BHLHE40: variants seen among roughly 807,000 people sequenced by gnomAD.
The protein encoded by BHLHE40 is basic helix-loop-helix family member e40.
A neutral mutation model predicts 35.7 loss-of-function variants in BHLHE40; 3 were observed. That is an observed-to-expected ratio of 0.08 (90% confidence interval 0.04 to 0.22). The LOEUF (loss-of-function observed/expected upper bound fraction) is 0.22. Ranked by LOEUF, BHLHE40 falls within the 10% of genes least tolerant of loss-of-function variation. BHLHE40 has a pLI of 1.00. For synonymous variants in BHLHE40, 236 were observed against 213.0 expected, an observed-to-expected ratio of 1.11 and a Z score of -0.94; for missense variants, 486 against 524.0, an observed-to-expected ratio of 0.93 and a Z score of 0.71.
Position 4,979,757 on chromosome 3 carries a change from C to T in BHLHE40, c.39C>T (p.Cys13=), listed in dbSNP as rs2053173631. 1.3e-6 allele frequency: 2 copies of T among 1,584,394 alleles called. No individual in the cohort carries two copies. The highest frequency in any genetic ancestry group is 1.3e-5 in the African/African-American group (1 of 74,094). The part of the protein sequence containing the change: ...RIPSAQPPPA[C]LPKAPGLEHG... ...CCAGCGCGCAACCACCCCCCGCCTGCCTGCCCAAAGCACCGGGACTGGAGC... is the reference window on the plus strand; with the variant it reads ...CCAGCGCGCAACCACCCCCCGCCTGTCTGCCCAAAGCACCGGGACTGGAGC... Residue 13 remains cysteine (C), a synonymous_variant, in exon 1 of 5, where the codon TGC becomes TGT. Coordinates refer to ENST00000256495, the MANE Select transcript of BHLHE40 (RefSeq NM_003670.3).
intron 3 of BHLHE40, among the ~76,000 whole-genome samples, chr3:4,980,992 C>T (rs1244457727): frequency 2.0e-5 from 3 of 151,594 alleles, no homozygotes; most frequent in African/African-American, 4.8e-5. Flanking sequence ...AATAGAGGTC[C>T]CTCTCTGAGT....
At position 4,982,933 on chromosome 3, in the gene BHLHE40, C is replaced by G. The variant is rs368425219; in HGVS notation, c.480C>G (p.His160Gln). The G allele has an allele frequency of 3.1e-6, 5 of 1,614,106 alleles. No individual in the cohort carries two copies. In the Admixed American group the frequency reaches 5.0e-5, roughly 16 times the overall value. ...AGGTGCTTCAGTATCTGGCCAAGCA[C>G]GAGAACACTCGGGACCTGAAGTCTT... Reference protein sequence around the residue: ...AREVLQYLAKHENTRDLKSSQ... With the variant: ...AREVLQYLAKQENTRDLKSSQ... The change falls in exon 5 of 5, where the codon CAC (histidine) becomes CAG (glutamine). Residue 160 changes from histidine to glutamine, a missense_variant. Physicochemically the swap from His to Gln is conservative, Grantham distance 24. Around this residue, in one of 5 missense-constraint regions of BHLHE40, gnomAD observed 176 missense variants for 180.5 expected, o/e 0.98. Transcript: ENST00000256495.
At position 4,983,291 on chromosome 3, in the gene BHLHE40, C is replaced by A. The variant is rs1392007995; in HGVS notation, c.838C>A (p.Gln280Lys). The change falls in exon 5 of 5, where the codon CAA (glutamine) becomes AAA (lysine). Residue 280 changes from glutamine (Q) to lysine (K), a missense_variant. Gln to Lys is a moderately conservative substitution (Grantham distance 53, BLOSUM62 1). Around this residue, in one of 5 missense-constraint regions of BHLHE40, gnomAD observed 206 missense variants for 208.9 expected, o/e 0.99. Coordinates refer to ENST00000256495, the MANE Select transcript of BHLHE40 (RefSeq NM_003670.3). This position sits in a 1 kb window ranked among gnomAD's most constrained non-coding sequence, Gnocchi z 5.0. ...TMGERIGAIK[Q>K]ESEEPPTKKN... ...GGGAGAAAGGATCGGCGCAATTAAG[C>A]AAGAGTCCGAAGAACCCCCCACAAA... 2 of 1,614,180 alleles carry A rather than the reference C, an allele frequency of 1.2e-6. No homozygotes were observed. Among genetic ancestry groups the A allele is most frequent in the Non-Finnish European group, 1.7e-6 (2 of 1,180,032 alleles).
At position 4,983,870 on chromosome 3, in the gene BHLHE40, G is replaced by T; in HGVS notation, c.*178G>T. 1 of 823,348 alleles carries T rather than the reference G, an allele frequency of 1.2e-6. No individual in the cohort carries two copies. Among genetic ancestry groups the T allele is most frequent in the Non-Finnish European group, 1.8e-6 (1 of 543,792 alleles). 51.0% of individuals were successfully genotyped at this position (823,348 alleles called of 1,614,324 possible). A position where few individuals can be genotyped will look rare whatever the true frequency, so the allele number is the denominator to read the frequency against. On this transcript the variant is annotated 3_prime_UTR_variant, in exon 5 of 5. Coordinates refer to ENST00000256495, the MANE Select transcript of BHLHE40 (RefSeq NM_003670.3). The surrounding 1 kb of genome is among the most constrained non-coding windows in gnomAD (Gnocchi z 5.0). The stretch of plus-strand genomic sequence containing the variant: ...TGTGTGTGTGTATGTGCGTGTGCGT[G>T]CACATGTGTGCCTGCGTGTTGGTAT...
intron 2 of BHLHE40, 60 bp downstream of exon 2, chr3:4,980,091 A>G (rs893719052): frequency 1.5e-5 from 23 of 1,581,122 alleles, no homozygotes; most frequent in Middle Eastern, 3.3e-4. Context: ...TGAGTTTCCA[A>G]GAAAAGTTTT....
rs776429558 is a variant in BHLHE40 at position 4,983,278 on chromosome 3, C to T, written c.825C>T (p.Ile275=). The T allele has an allele frequency of 5.6e-6, 9 of 1,614,006 alleles. No homozygotes were observed. The African/African-American group carries it at 6.7e-5, about 12-fold the overall frequency. ...HGRRFTMGER[I]GAIKQESEEP... ...GCAGGTTCACGATGGGAGAAAGGATCGGCGCAATTAAGCAAGAGTCCGAAG... is the reference window on the plus strand; with the variant it reads ...GCAGGTTCACGATGGGAGAAAGGATTGGCGCAATTAAGCAAGAGTCCGAAG... Residue 275 remains isoleucine, a synonymous_variant, in exon 5 of 5, where the codon ATC becomes ATT. Coordinates refer to ENST00000256495, the MANE Select transcript of BHLHE40 (RefSeq NM_003670.3). This position sits in a 1 kb window ranked among gnomAD's most constrained non-coding sequence, Gnocchi z 5.0.
In BHLHE40 at chr3:4,984,323, A is replaced by G. The variant is rs11130215; in HGVS notation, c.*631A>G. 37,087 of 152,002 alleles carry G rather than the reference A, an allele frequency of 0.24. 4,956 individuals carry two copies. Among genetic ancestry groups the G allele is most frequent in the African/African-American group, 0.35 (14,428 of 41,368 alleles). The allele number at this position is 152,002 out of a possible 1,614,324, so 9.4% of individuals were successfully genotyped here. ...GTCTGCTCCCCACCCCTGCCTCGGA[A>G]GAATAAAGAGAATGTAGTTCCCTAC... is the stretch of plus-strand genomic sequence containing the variant. On this transcript the variant is annotated 3_prime_UTR_variant, in exon 5 of 5. Transcript: ENST00000256495.
Position 4,980,407 on chromosome 3 carries a change from CAGTA to C in BHLHE40, c.258+3_258+6del, listed in dbSNP as rs2053181750. The C allele has an allele frequency of 2.5e-6, 4 of 1,613,070 alleles. No homozygotes were observed. Among genetic ancestry groups the C allele is most frequent in the African/African-American group, 2.7e-5 (2 of 75,042 alleles). Reference sequence around the variant, plus strand: ...CTCCTACCCGAACATCTCAAACTTACAGTAAGTGAGAAGCTGGCCCCTTTCCAAC... The same window carrying C: ...CTCCTACCCGAACATCTCAAACTTACAGTGAGAAGCTGGCCCCTTTCCAAC... On this transcript the variant is annotated splice_donor_variant and splice_donor_region_variant and coding_sequence_variant and intron_variant, in exon 3 of 5. Coordinates refer to ENST00000256495, the MANE Select transcript of BHLHE40 (RefSeq NM_003670.3). LOFTEE classifies it high-confidence loss of function.
At position 4,979,704 on chromosome 3, in the gene BHLHE40, C is replaced by T; in HGVS notation, c.-15C>T. On this transcript the variant is annotated 5_prime_UTR_variant, in exon 1 of 5. Transcript: ENST00000256495. Reference sequence around the variant, plus strand: ...GTGCAGACAGGAGCGCGCAGTGGCCCCGGCTCGCCGCGCCATGGAGCGGAT... The same window carrying T: ...GTGCAGACAGGAGCGCGCAGTGGCCTCGGCTCGCCGCGCCATGGAGCGGAT... 2 of 1,552,014 alleles carry T rather than the reference C, an allele frequency of 1.3e-6. No individual in the cohort carries two copies. Among genetic ancestry groups the T allele is most frequent in the Non-Finnish European group, 1.7e-6 (2 of 1,147,780 alleles).
At chr3:4,980,867 G>C (rs1244317569) in intron 3 of BHLHE40, among the ~76,000 whole-genome samples, 1 of 139,446 alleles carries the variant, frequency 7.2e-6, no homozygotes, top group African/African-American at 2.8e-5. Context: ...CTTTGGTTGG[G>C]GAAATGGAAA....
At chr3:4,981,915 C>T (rs567703008) in intron 4 of BHLHE40, among the ~76,000 whole-genome samples, 10 of 152,214 alleles carry the variant, frequency 6.6e-5, no homozygotes, top group Non-Finnish European at 1.3e-4. Flanking sequence ...GCTTCCTTGT[C>T]ACTTGGTGTG....
In BHLHE40 at chr3:4,979,486, G is replaced by T; in HGVS notation, c.-233G>T. On this transcript the variant is annotated 5_prime_UTR_variant, in exon 1 of 5. Transcript: ENST00000256495. ...ACAGACCGCGCAGGGAGCACACACCGCCAGTCTGTGCGCTGAGTCGGAGCC... is the reference window on the plus strand; with the variant it reads ...ACAGACCGCGCAGGGAGCACACACCTCCAGTCTGTGCGCTGAGTCGGAGCC... 2 of 466,080 alleles carry T rather than the reference G, an allele frequency of 4.3e-6. No individual in the cohort carries two copies. The highest frequency in any genetic ancestry group is 7.9e-6 in the Non-Finnish European group (2 of 251,834). 28.9% of individuals were successfully genotyped at this position (466,080 alleles called of 1,614,324 possible).
intron 4 of BHLHE40, 85 bp downstream of exon 4, chr3:4,981,600 A>G: frequency 6.7e-7 from 1 of 1,501,884 alleles, no homozygotes; most frequent in Non-Finnish European, 9.0e-7. Context: ...TGTAATAAAC[A>G]TTACTGCAAC....
In BHLHE40 at chr3:4,979,974, C is replaced by T; in HGVS notation, c.93C>T (p.Ala31=). ...EHGDLPGMYP[A]HMYQVYKSRR... ...TCTCTTCCTGCAGGATGTACCCTGC[C>T]CACATGTACCAAGTGTACAAGTCAA... The change falls in exon 2 of 5, where the codon GCC becomes GCT. Residue 31 remains alanine, a synonymous_variant. Transcript: ENST00000256495. The T allele has an allele frequency of 2.5e-6, 4 of 1,614,124 alleles. No homozygotes were observed. The highest frequency in any genetic ancestry group is 3.4e-6 in the Non-Finnish European group (4 of 1,179,990).
chr3:4,983,210 G>T lies in BHLHE40; in HGVS notation c.757G>T (p.Asp253Tyr). 1 of 1,614,196 alleles carries T rather than the reference G, an allele frequency of 6.2e-7. No homozygotes were observed. The highest frequency in any genetic ancestry group is 8.5e-7 in the Non-Finnish European group (1 of 1,180,032). The change falls in exon 5 of 5, where the codon GAC becomes TAC. Residue 253 changes from aspartate (D) to tyrosine (Y), a missense_variant. This residue lies in a region of BHLHE40 where 206 missense variants were observed against 208.9 expected (regional missense o/e 0.99). Coordinates refer to ENST00000256495, the MANE Select transcript of BHLHE40 (RefSeq NM_003670.3). The surrounding 1 kb of genome is among the most constrained non-coding windows in gnomAD (Gnocchi z 5.0). ...CTATGGAGGAGAATCGGAGAAGGGC[G>T]ACTTGCGCAGTGAGCAGCCGTGCTT... ...SGYGGESEKG[D>Y]LRSEQPCFKS...
In BHLHE40 at chr3:4,983,675, T is replaced by G; in HGVS notation, c.1222T>G (p.Leu408Val). The change falls in exon 5 of 5, where the codon TTA becomes GTA. Residue 408 changes from leucine to valine, a missense_variant. Around this residue, in one of 5 missense-constraint regions of BHLHE40, gnomAD observed 206 missense variants for 208.9 expected, o/e 0.99. Coordinates refer to ENST00000256495, the MANE Select transcript of BHLHE40 (RefSeq NM_003670.3). This position sits in a 1 kb window ranked among gnomAD's most constrained non-coding sequence, Gnocchi z 5.0. ...TCTGAAGCCAATCCCCCCTTTAAAC[T>G]TAGAAACCAAAGACTAAACTCTCTA... Reference protein sequence around the residue: ...QALKPIPPLNLETKD With the variant: ...QALKPIPPLNVETKD The G allele has an allele frequency of 6.2e-7, 1 of 1,607,884 alleles. No individual in the cohort carries two copies. The highest frequency in any genetic ancestry group is 8.5e-7 in the Non-Finnish European group (1 of 1,175,948).
chr3:4,979,529 C>T lies in BHLHE40; in HGVS notation c.-190C>T, dbSNP rs1188162858. ...TCGGAGCCAGAGGCCGCGGGGACAC[C>T]GGGCCATGCACGCCCCCAACTGAAG... On this transcript the variant is annotated 5_prime_UTR_variant, in exon 1 of 5. Coordinates refer to ENST00000256495, the MANE Select transcript of BHLHE40 (RefSeq NM_003670.3). The T allele has an allele frequency of 4.7e-6, 3 of 632,210 alleles. No individual in the cohort carries two copies. Among genetic ancestry groups the T allele is most frequent in the Non-Finnish European group, 8.2e-6 (3 of 365,818 alleles). 39.2% of individuals were successfully genotyped at this position (632,210 alleles called of 1,614,324 possible). A position where few individuals can be genotyped will look rare whatever the true frequency, so the allele number is the denominator to read the frequency against.
In BHLHE40 at chr3:4,983,492, T is replaced by C; in HGVS notation, c.1039T>C (p.Ser347Pro). 1 of 1,614,126 alleles carries C rather than the reference T, an allele frequency of 6.2e-7. No individual in the cohort carries two copies. Among genetic ancestry groups the C allele is most frequent in the Non-Finnish European group, 8.5e-7 (1 of 1,180,022 alleles). ...GCTGGAGAAGTGCTGGTATCCCACC[T>C]CAGTGCCAGTGCTATACCCAGGCCT... ...PMLEKCWYPTSVPVLYPGLNA... is the reference protein window; with the variant it reads ...PMLEKCWYPTPVPVLYPGLNA... Residue 347 changes from serine to proline, a missense_variant, in exon 5 of 5, where the codon TCA (serine) becomes CCA (proline). Transcript: ENST00000256495. This position sits in a 1 kb window ranked among gnomAD's most constrained non-coding sequence, Gnocchi z 5.0.
chr3:4,983,210 G>A lies in BHLHE40; in HGVS notation c.757G>A (p.Asp253Asn), dbSNP rs776319485. 1.2e-6 allele frequency: 2 copies of A among 1,614,198 alleles called. No homozygotes were observed. Among genetic ancestry groups the A allele is most frequent in the Non-Finnish European group, 1.7e-6 (2 of 1,180,032 alleles). Residue 253 changes from aspartate to asparagine, a missense_variant, in exon 5 of 5, where the codon GAC (aspartate) becomes AAC (asparagine). By Grantham distance (23) the Asp-to-Asn change is conservative (BLOSUM62 1). This residue lies in a region of BHLHE40 where 206 missense variants were observed against 208.9 expected (regional missense o/e 0.99). Coordinates refer to ENST00000256495, the MANE Select transcript of BHLHE40 (RefSeq NM_003670.3). This position sits in a 1 kb window ranked among gnomAD's most constrained non-coding sequence, Gnocchi z 5.0. ...CTATGGAGGAGAATCGGAGAAGGGCGACTTGCGCAGTGAGCAGCCGTGCTT... is the reference window on the plus strand; with the variant it reads ...CTATGGAGGAGAATCGGAGAAGGGCAACTTGCGCAGTGAGCAGCCGTGCTT... ...SGYGGESEKG[D>N]LRSEQPCFKS...
Sources: gnomAD v4.1 joint callset for allele counts (sites outside exome capture counted in the v4.1 genomes callset) on GRCh38, gnomAD v4.1.1 for gene constraint, gnomAD v4.1.1 regional missense constraint, Gnocchi (gnomAD v3.1) non-coding constraint, MANE v1.5 for transcripts, NCBI Gene and HGNC (gene_info 2026-07-23, HGNC 2026-07-21) for gene names.